The following TRPM3 variants were observed in gnomAD, a reference collection of about 807,000 sequenced individuals.
The protein encoded by TRPM3 is transient receptor potential cation channel subfamily M member 3.
Under a neutral mutation model 181.2 loss-of-function variants are expected in TRPM3, and 77 were observed. The ratio of observed to expected loss-of-function variants is 0.42; its 90% CI spans 0.35 to 0.51. TRPM3 has a LOEUF of 0.51. Ranked by LOEUF, TRPM3 falls within the 20% of genes least tolerant of loss-of-function variation. TRPM3 has a pLI of 0.01. For synonymous variants in TRPM3, 745 were observed against 796.4 expected (o/e 0.94, Z 1.09); for missense variants, 1,759 against 2,196.7 (o/e 0.80, Z 3.98).
At chr9:71,275,195 C>T (rs2084100389) in intron 1 of TRPM3, among the ~76,000 whole-genome samples, 2 of 152,110 alleles carry the variant, frequency 1.3e-5, no homozygotes, top group Admixed American at 6.5e-5. Flanking sequence ...ACACAATTAG[C>T]AAGATTGTTG....
At chr9:70,975,130 T>C (rs11142655) in intron 1 of TRPM3, among the ~76,000 whole-genome samples, 1 of 151,834 alleles carries the variant, frequency 6.6e-6, no homozygotes, top group African/African-American at 2.4e-5. Context: ...AGACTTTCAA[T>C]GTGCCGGGAT....
At chr9:71,116,823 T>C (rs549207977) in intron 1 of TRPM3, among the ~76,000 whole-genome samples, 21 of 152,268 alleles carry the variant, frequency 1.4e-4, no homozygotes, top group African/African-American at 4.8e-4. Flanking sequence ...AAAAATACAG[T>C]GACATTACTG....
chr9:70,837,578 A>C (rs1281287232), intron 5 of TRPM3, among the ~76,000 whole-genome samples: 2 of 152,226 alleles, frequency 1.3e-5, no homozygotes, highest in Non-Finnish European at 2.9e-5. Context: ...GAAGACAAAC[A>C]ATCAAGCCTT....
chr9:71,412,581 T>C (rs1043024235), intron 1 of TRPM3, among the ~76,000 whole-genome samples: 2 of 152,054 alleles, frequency 1.3e-5, no homozygotes, highest in African/African-American at 4.8e-5. Flanking sequence ...TGGCAATCAT[T>C]AAAAAGTCAG....
intron 1 of TRPM3, among the ~76,000 whole-genome samples, chr9:71,406,626 CA>C (rs1254078253): frequency 6.6e-6 from 1 of 152,104 alleles, no homozygotes; most frequent in African/African-American, 2.4e-5. Flanking sequence ...AAAACTTCTC[CA>C]TAGATTAAGA....
At chr9:70,770,321 C>A (rs1750302909) in intron 7 of TRPM3, among the ~76,000 whole-genome samples, 1 of 152,170 alleles carries the variant, frequency 6.6e-6, no homozygotes, top group Non-Finnish European at 1.5e-5. Flanking sequence ...GATTCTTATT[C>A]ATTTGCATCT....
chr9:70,584,506 C>A (rs1164734844), intron 22 of TRPM3, among the ~76,000 whole-genome samples: 1 of 152,176 alleles, frequency 6.6e-6, no homozygotes, highest in African/African-American at 2.4e-5. Context: ...ACAGAAGAAT[C>A]TAGCTTCAAG....
At chr9:70,917,463 G>A (rs546574004) in intron 1 of TRPM3, 66 of 749,828 alleles carry the variant, frequency 8.8e-5, no homozygotes, top group African/African-American at 3.8e-4. Flanking sequence ...AAGGCCACCC[G>A]CACTGTCACT....
intron 1 of TRPM3, among the ~76,000 whole-genome samples, chr9:70,949,377 A>G (rs997098147): frequency 2.0e-5 from 3 of 152,088 alleles, no homozygotes; most frequent in African/African-American, 7.2e-5. Flanking sequence ...TATTCTAAGC[A>G]GATGTAGCTG....
intron 1 of TRPM3, among the ~76,000 whole-genome samples, chr9:71,258,188 T>A (rs569405597): frequency 3.3e-5 from 5 of 152,200 alleles, no homozygotes; most frequent in African/African-American, 1.2e-4. Flanking sequence ...TTTGCACACA[T>A]TGGCCCATTT....
intron 1 of TRPM3, among the ~76,000 whole-genome samples, chr9:71,182,292 C>T (rs1489382937): frequency 6.6e-6 from 1 of 152,032 alleles, no homozygotes; most frequent in African/African-American, 2.4e-5. Context: ...AATCCACCAG[C>T]CCACATATCA....
Position 71,331,654 on chromosome 9 carries a change from GGA to G in TRPM3, c.183+114997_183+114998del, listed in dbSNP as rs563690905. Among the ~76,000 whole-genome samples, 143 of 147,942 alleles carry G rather than the reference GGA, an allele frequency of 9.7e-4. 2 individuals carry two copies. The highest frequency in any genetic ancestry group is 6.1e-3 in the South Asian group (28 of 4,620). On this transcript the variant is annotated intron_variant, in intron 1 of 24. Coordinates refer to the TRPM3 transcript ENST00000357533. ...AGAAGAAAAAGGAGGAGGAAGAAGA[GGA>G]GAGGGAAGAGGAGGAGGAGGAGGAG...
chr9:71,292,135 T>C (rs191207970), intron 1 of TRPM3, among the ~76,000 whole-genome samples: 2 of 151,896 alleles, frequency 1.3e-5, no homozygotes, highest in East Asian at 1.9e-4. Flanking sequence ...ATAATGAAAA[T>C]GAATAAACAT....
chr9:70,544,299 C>T (rs538285758), intron 25 of TRPM3, among the ~76,000 whole-genome samples: 57 of 152,162 alleles, frequency 3.7e-4, no homozygotes, highest in Middle Eastern at 6.8e-3. Flanking sequence ...ATTAAACAGA[C>T]GGTATTTTTT....
At chr9:71,192,466 C>T (rs1432510967) in intron 1 of TRPM3, among the ~76,000 whole-genome samples, 2 of 151,696 alleles carry the variant, frequency 1.3e-5, no homozygotes, top group South Asian at 2.1e-4. Flanking sequence ...AAAGTATGAG[C>T]TGATATCTCA....
chr9:70,586,389 A>C (rs1306653020), intron 22 of TRPM3, among the ~76,000 whole-genome samples: 2 of 152,220 alleles, frequency 1.3e-5, no homozygotes, highest in Non-Finnish European at 1.5e-5. Context: ...GTCCGGAATC[A>C]TCACAAAGTC....
intron 1 of TRPM3, among the ~76,000 whole-genome samples, chr9:70,875,282 T>C (rs1327910493): frequency 6.6e-6 from 1 of 151,926 alleles, no homozygotes; most frequent in East Asian, 1.9e-4. Context: ...ATCAGCTTTA[T>C]TGTTAGTCCC....
intron 5 of TRPM3, among the ~76,000 whole-genome samples, chr9:70,834,061 A>C (rs1464177223): frequency 6.6e-6 from 1 of 152,198 alleles, no homozygotes; most frequent in East Asian, 1.9e-4. Flanking sequence ...CTGGCTAGTT[A>C]CTTCCCACTC....
chr9:71,262,076 C>A (rs1006599947), intron 1 of TRPM3, among the ~76,000 whole-genome samples: 2 of 152,202 alleles, frequency 1.3e-5, no homozygotes, highest in Non-Finnish European at 2.9e-5. Flanking sequence ...CAGGCTGGAA[C>A]GTTTAAGTCT....
Sources: allele counts gnomAD v4.1 joint callset (sites outside exome capture counted in the v4.1 genomes callset), GRCh38; gene constraint gnomAD v4.1.1; transcripts MANE v1.5; gene names NCBI Gene and HGNC (gene_info 2026-07-23, HGNC 2026-07-21).